Variants in GRM7 observed in about 807,000 individuals in gnomAD.
The protein encoded by GRM7 is metabotropic glutamate receptor 7.
Under a neutral mutation model 84.5 loss-of-function variants are expected in GRM7, and 35 were observed. The ratio of observed to expected loss-of-function variants is 0.41; its 90% confidence interval spans 0.32 to 0.55. The LOEUF (loss-of-function observed/expected upper bound fraction) is 0.55. Ranked by LOEUF, GRM7 falls within the 20% of genes least tolerant of loss-of-function variation. The pLI, the probability that GRM7 is intolerant of heterozygous loss-of-function variation, is 0.19. For synonymous variants in GRM7, 487 were observed against 455.1 expected (o/e 1.07, Z -0.89); for missense variants, 1,003 against 1,194.6 (o/e 0.84, Z 2.36).
intron 2 of GRM7, among the ~76,000 whole-genome samples, chr3:7,273,571 C>G (rs1348269562): frequency 6.6e-6 from 1 of 152,010 alleles, no homozygotes; most frequent in Non-Finnish European, 1.5e-5. Flanking sequence ...ATTGTTATGT[C>G]TTTATGGAGA....
At chr3:7,493,392 T>G (rs1275822746) in intron 7 of GRM7, among the ~76,000 whole-genome samples, 1 of 151,646 alleles carries the variant, frequency 6.6e-6, no homozygotes. Flanking sequence ...CTTGGTTGAT[T>G]GATCCTTTTT....
intron 1 of GRM7, among the ~76,000 whole-genome samples, chr3:6,993,294 G>A (rs1694713069): frequency 6.6e-6 from 1 of 152,144 alleles, no homozygotes; most frequent in Non-Finnish European, 1.5e-5. Context: ...TTCAAGATGA[G>A]ATTTGGGTGG....
At chr3:7,663,537 T>G (rs538111293) in intron 8 of GRM7, among the ~76,000 whole-genome samples, 1 of 152,338 alleles carries the variant, frequency 6.6e-6, no homozygotes, top group East Asian at 1.9e-4. Context: ...ACTGCTTCTG[T>G]GTTTCCTTCA....
intron 8 of GRM7, among the ~76,000 whole-genome samples, chr3:7,653,765 C>A (rs1699059921): frequency 6.6e-6 from 1 of 152,184 alleles, no homozygotes; most frequent in Admixed American, 6.5e-5. Flanking sequence ...CCAAATAAAA[C>A]CTGCCTGAGA....
chr3:7,685,977 C>T (rs559648080), intron 9 of GRM7, among the ~76,000 whole-genome samples: 3 of 152,098 alleles, frequency 2.0e-5, no homozygotes, highest in Admixed American at 6.5e-5. Context: ...CATTATGTTA[C>T]TTGTTTCATC....
At chr3:7,583,151 T>A (rs1174031454) in intron 8 of GRM7, among the ~76,000 whole-genome samples, 1 of 152,152 alleles carries the variant, frequency 6.6e-6, no homozygotes, top group Non-Finnish European at 1.5e-5. Flanking sequence ...GAAGCATCAG[T>A]CCCAAGGCTT....
chr3:7,644,170 C>G (rs1349866852), intron 8 of GRM7, among the ~76,000 whole-genome samples: 3 of 105,648 alleles, frequency 2.8e-5, no homozygotes, highest in Non-Finnish European at 5.6e-5. Context: ...ATATATATGT[C>G]TGTACATATA....
intron 2 of GRM7, among the ~76,000 whole-genome samples, chr3:7,230,567 A>C (rs1697160836): frequency 6.6e-6 from 1 of 152,246 alleles, no homozygotes; most frequent in African/African-American, 2.4e-5. Context: ...GCAAATGTCT[A>C]AGATTCCTTC....
chr3:7,409,398 T>C (rs1695817751), intron 4 of GRM7, among the ~76,000 whole-genome samples: 1 of 148,052 alleles, frequency 6.8e-6, no homozygotes, highest in African/African-American at 2.4e-5. Flanking sequence ...AATGGAAAGA[T>C]ATCACTTGTT....
rs1693855871 is a variant in GRM7 at position 7,138,949 on chromosome 3, A to G, written c.520-7503A>G. 2.7e-5 allele frequency among the ~76,000 whole-genome samples: 4 copies of G among 150,830 alleles called. No individual in the cohort carries two copies. In the South Asian group the frequency reaches 8.3e-4, roughly 31 times the overall value. On this transcript the variant is annotated intron_variant, in intron 1 of 9. Coordinates refer to ENST00000357716, the MANE Select transcript of GRM7 (RefSeq NM_000844.4). ...ATACAATGACAAGTGTAGGCACATT[A>G]TAGATAATTAACTACTACTGTTAAG...
At chr3:7,310,405 T>C (rs780058881) in intron 4 of GRM7, among the ~76,000 whole-genome samples, 6 of 152,332 alleles carry the variant, frequency 3.9e-5, no homozygotes, top group Non-Finnish European at 8.8e-5. Context: ...GAATGAATTC[T>C]TTATTTTTCC....
Position 6,863,096 on chromosome 3 carries a change from C to T in GRM7, c.519+1189C>T. 1 of 396,770 alleles carries T rather than the reference C, an allele frequency of 2.5e-6. No homozygotes were observed. Among genetic ancestry groups the T allele is most frequent in the Non-Finnish European group, 5.0e-6 (1 of 201,774 alleles). The allele number at this position is 396,770 out of a possible 1,614,324, so 24.6% of individuals were successfully genotyped here. ...TGTGTCTTTCCCTATATGTGCATCA[C>T]TCTCTCTTTCTGTCTCTGTCTCCTT... On this transcript the variant is annotated intron_variant, in intron 1 of 9. Transcript: ENST00000357716. The surrounding 1 kb of genome is among the most constrained non-coding windows in gnomAD (Gnocchi z 4.8).
At chr3:6,921,973 C>T (rs545287014) in intron 1 of GRM7, among the ~76,000 whole-genome samples, 2 of 152,170 alleles carry the variant, frequency 1.3e-5, no homozygotes, top group Non-Finnish European at 2.9e-5. Flanking sequence ...GCTCAATAGA[C>T]GTCATGGTTG....
At chr3:7,734,255 G>C (rs565791555) in intron 9 of GRM7, among the ~76,000 whole-genome samples, 2 of 120,948 alleles carry the variant, frequency 1.7e-5, no homozygotes, top group African/African-American at 5.7e-5. Flanking sequence ...GGCGGGGGGG[G>C]GGTTTCCTCT....
intron 4 of GRM7, among the ~76,000 whole-genome samples, chr3:7,359,187 C>T (rs1405463594): frequency 7.3e-6 from 1 of 136,678 alleles, no homozygotes; most frequent in Non-Finnish European, 1.6e-5. Context: ...AAAATAACTT[C>T]TTTGCCTTTA....
chr3:7,280,673 C>T (rs1011203309), intron 2 of GRM7, among the ~76,000 whole-genome samples: 4 of 152,188 alleles, frequency 2.6e-5, no homozygotes, highest in Admixed American at 6.5e-5. Flanking sequence ...AAAGTGTTTG[C>T]AGTACGTGTT....
chr3:7,429,478 G>A (rs963426130), intron 5 of GRM7, among the ~76,000 whole-genome samples: 8 of 152,094 alleles, frequency 5.3e-5, no homozygotes, highest in African/African-American at 1.9e-4. Flanking sequence ...AACTTGCAAG[G>A]TTGAATATTT....
At chr3:6,869,568 C>CATCTATCTATCTATCTATCT (rs1434542087) in intron 1 of GRM7, among the ~76,000 whole-genome samples, 19 of 62,576 alleles carry the variant, frequency 3.0e-4, no homozygotes, top group African/African-American at 1.1e-3. Context: ...GTATAATTTA[C>CATCTATCTATCTATCTATCT]ATCTATCTAT....
At chr3:7,400,225 G>C (rs1309765714) in intron 4 of GRM7, among the ~76,000 whole-genome samples, 1 of 152,108 alleles carries the variant, frequency 6.6e-6, no homozygotes, top group Non-Finnish European at 1.5e-5. Flanking sequence ...GCATGGACAT[G>C]GTAGTTTTAC....
Sources: gnomAD v4.1 joint callset for allele counts (sites outside exome capture counted in the v4.1 genomes callset) on GRCh38, gnomAD v4.1.1 for gene constraint, Gnocchi (gnomAD v3.1) non-coding constraint, MANE v1.5 for transcripts, NCBI Gene and HGNC (gene_info 2026-07-23, HGNC 2026-07-21) for gene names.